MTA3: variants seen among roughly 807,000 people sequenced by gnomAD.
MTA3 encodes metastasis associated 1 family member 3, also known as metastasis-associated protein MTA3.
Under a neutral mutation model 83.5 loss-of-function variants are expected in MTA3, and 34 were observed. The ratio of observed to expected loss-of-function variants is 0.41; its 90% CI spans 0.31 to 0.54. The LOEUF is 0.54. MTA3 is among the 20% of genes least tolerant of loss of function. The pLI, the probability that MTA3 is intolerant of heterozygous loss-of-function variation, is 0.33. For missense variants in MTA3, 761 were observed against 726.4 expected, an observed-to-expected ratio of 1.05 and a Z score of -0.55; for synonymous variants, 303 against 252.7, an observed-to-expected ratio of 1.20 and a Z score of -1.89.
rs35943826 is a variant in MTA3, at chr2:42,597,375, CTTT to C, written c.191-12065_191-12063del. Among the ~76,000 whole-genome samples, 189 of 108,424 alleles carry C rather than the reference CTTT, an allele frequency of 1.7e-3. 2 individuals carry two copies. Among genetic ancestry groups the C allele is most frequent in the South Asian group, 0.011 (34 of 3,212 alleles). 71.1% of individuals were successfully genotyped at this position (108,424 alleles called of 152,430 possible). On this transcript the variant is annotated intron_variant, in intron 3 of 16. Transcript: ENST00000405094. The stretch of plus-strand genomic sequence containing the variant: ...CCACTGCACCTGGCCGACAAGTTAT[CTTT>C]TTTTTTTTTTTTTTTTTCTGTTTTT...
intron 12 of MTA3, among the ~76,000 whole-genome samples, chr2:42,706,966 C>G (rs1396596365): frequency 6.6e-6 from 1 of 152,054 alleles, no homozygotes; most frequent in African/African-American, 2.4e-5. Flanking sequence ...TACTCCCTCC[C>G]TCTTCCCCTC....
intron 3 of MTA3, among the ~76,000 whole-genome samples, chr2:42,602,120 C>T (rs942240159): frequency 1.2e-4 from 18 of 152,282 alleles, no homozygotes; most frequent in Admixed American, 8.5e-4. Context: ...GGATTACAGG[C>T]GTGAACCACT....
chr2:42,563,118 C>T (rs973395918), intron 2 of MTA3, among the ~76,000 whole-genome samples: 12 of 152,184 alleles, frequency 7.9e-5, no homozygotes, highest in African/African-American at 2.9e-4. Flanking sequence ...AACCTCCCAA[C>T]TGATCTGGTC....
intron 15 of MTA3, among the ~76,000 whole-genome samples, chr2:42,721,877 T>G (rs1667437530): frequency 6.6e-6 from 1 of 152,128 alleles, no homozygotes; most frequent in Non-Finnish European, 1.5e-5. Flanking sequence ...GCTGGCAAAC[T>G]TGTCATGTCA....
At chr2:42,665,122 G>A (rs956711012) in intron 8 of MTA3, among the ~76,000 whole-genome samples, 1 of 152,184 alleles carries the variant, frequency 6.6e-6, no homozygotes, top group Non-Finnish European at 1.5e-5. Context: ...ATATAGGGCT[G>A]GGCAGTGTGG....
At chr2:42,552,656 A>G in intron 2 of MTA3, among the ~76,000 whole-genome samples, 1 of 151,810 alleles carries the variant, frequency 6.6e-6, no homozygotes, top group East Asian at 1.9e-4. Context: ...GAAGAAGAAA[A>G]AGAAAAAAGA....
Position 42,755,614 on chromosome 2 carries a change from T to G in MTA3, c.*2215T>G. 1 of 985,610 alleles carries G rather than the reference T, an allele frequency of 1.0e-6. No homozygotes were observed. Among genetic ancestry groups the G allele is most frequent in the Non-Finnish European group, 1.2e-6 (1 of 830,066 alleles). 61.1% of individuals were successfully genotyped at this position (985,610 alleles called of 1,614,324 possible). A position where few individuals can be genotyped will look rare whatever the true frequency, so the allele number is the denominator to read the frequency against. On this transcript the variant is annotated 3_prime_UTR_variant, in exon 17 of 17. Transcript: ENST00000405094. ...TTTGTCTCTGGAAACTGCCCCCTCG[T>G]TCTGACAGAATCCCCCAGGCAATGG...
chr2:42,713,569 A>C (rs532046175), intron 14 of MTA3, among the ~76,000 whole-genome samples: 3 of 152,206 alleles, frequency 2.0e-5, no homozygotes, highest in African/African-American at 7.2e-5. Context: ...CACGTTCCTC[A>C]TTCCTGATTT....
intron 2 of MTA3, among the ~76,000 whole-genome samples, chr2:42,541,002 A>G (rs1676494762): frequency 6.6e-6 from 1 of 151,944 alleles, no homozygotes; most frequent in Non-Finnish European, 1.5e-5. Context: ...TACAAAAGCC[A>G]TACACATTCA....
chr2:42,679,337 G>C (rs1217960514), intron 8 of MTA3, among the ~76,000 whole-genome samples: 1 of 152,176 alleles, frequency 6.6e-6, no homozygotes, highest in Non-Finnish European at 1.5e-5. Context: ...AACTAAGGCG[G>C]GGAATAGTGT....
chr2:42,575,605 C>T (rs1486028104), intron 2 of MTA3, among the ~76,000 whole-genome samples: 2 of 152,088 alleles, frequency 1.3e-5, no homozygotes, highest in South Asian at 2.1e-4. Flanking sequence ...ACCATATAGT[C>T]CCACAAGTGA....
At chr2:42,726,462 G>A (rs951327314) in intron 16 of MTA3, among the ~76,000 whole-genome samples, 3 of 151,508 alleles carry the variant, frequency 2.0e-5, no homozygotes, top group African/African-American at 2.4e-5. Flanking sequence ...CCATTAACTC[G>A]TCATTTAGCA....
chr2:42,504,177 G>A (rs1010536946), intron 2 of MTA3, among the ~76,000 whole-genome samples: 16 of 151,968 alleles, frequency 1.1e-4, no homozygotes, highest in African/African-American at 2.4e-5. Flanking sequence ...TGATCCATCC[G>A]CCTTGGCCTC....
intron 2 of MTA3, among the ~76,000 whole-genome samples, chr2:42,576,148 A>G (rs543673489): frequency 1.3e-5 from 2 of 152,240 alleles, no homozygotes; most frequent in African/African-American, 4.8e-5. Flanking sequence ...CAAGATGTAC[A>G]TGGTCTCTAC....
At chr2:42,610,305 C>T (rs1467055870) in intron 4 of MTA3, among the ~76,000 whole-genome samples, 1 of 152,164 alleles carries the variant, frequency 6.6e-6, no homozygotes, top group Non-Finnish European at 1.5e-5. Context: ...TGACTCTTGA[C>T]CTTATAGGAT....
intron 8 of MTA3, among the ~76,000 whole-genome samples, chr2:42,660,338 C>T (rs528943493): frequency 1.6e-4 from 25 of 152,322 alleles, no homozygotes; most frequent in South Asian, 8.3e-4. Flanking sequence ...CCACCCGCCT[C>T]GGCCTTCCGA....
At chr2:42,499,125 C>A (rs1290540565) in intron 2 of MTA3, among the ~76,000 whole-genome samples, 4 of 151,524 alleles carry the variant, frequency 2.6e-5, no homozygotes, top group Non-Finnish European at 4.4e-5. Flanking sequence ...TACCTATATT[C>A]AATAGTACTA....
chr2:42,727,826 A>C (rs539987412), intron 16 of MTA3, among the ~76,000 whole-genome samples: 2 of 151,950 alleles, frequency 1.3e-5, no homozygotes, highest in African/African-American at 4.8e-5. Flanking sequence ...TTTTTTGTGG[A>C]TACATAGTAG....
At chr2:42,700,350 G>A (rs969220799) in intron 11 of MTA3, among the ~76,000 whole-genome samples, 3 of 152,216 alleles carry the variant, frequency 2.0e-5, no homozygotes, top group African/African-American at 7.2e-5. Flanking sequence ...TCAATCATTT[G>A]TCCCCTGGGA....
Sources: gnomAD v4.1 joint callset for allele counts (sites outside exome capture counted in the v4.1 genomes callset) on GRCh38, gnomAD v4.1.1 for gene constraint, MANE v1.5 for transcripts, NCBI Gene and HGNC (gene_info 2026-07-23, HGNC 2026-07-21) for gene names.